CAMKMT: variants seen among roughly 807,000 people sequenced by gnomAD.
The protein encoded by CAMKMT is CaM KMT.
Under a neutral mutation model 48.0 loss-of-function variants are expected in CAMKMT, and 53 were observed. The ratio of observed to expected loss-of-function variants is 1.10; its 90% CI spans 0.89 to 1.39. The LOEUF (loss-of-function observed/expected upper bound fraction) is 1.39. Among genes scored for constraint, CAMKMT ranks in the 40% most tolerant of loss-of-function variants. The probability of loss-of-function intolerance (pLI) is 0.00; values close to 1 mark genes in which losing one functional copy is unlikely to be tolerated. For missense variants in CAMKMT, 428 were observed against 402.7 expected, an observed-to-expected ratio of 1.06 and a Z score of -0.54; for synonymous variants, 165 against 152.3, an observed-to-expected ratio of 1.08 and a Z score of -0.61.
chr2:44,383,043 C>G (rs1680413199), intron 2 of CAMKMT, among the ~76,000 whole-genome samples: 1 of 152,050 alleles, frequency 6.6e-6, no homozygotes, highest in African/African-American at 2.4e-5. Flanking sequence ...TTCCCTTTGG[C>G]TTGCAGATGG....
intron 3 of CAMKMT, among the ~76,000 whole-genome samples, chr2:44,515,056 T>C (rs1384605885): frequency 6.6e-6 from 1 of 152,220 alleles, no homozygotes; most frequent in Non-Finnish European, 1.5e-5. Context: ...CTGATATACT[T>C]TTGTGTCTTA....
intron 3 of CAMKMT, chr2:44,631,532 G>T: frequency 3.3e-6 from 2 of 613,472 alleles, no homozygotes; most frequent in South Asian, 2.0e-5. Flanking sequence ...TTGATCTCCT[G>T]GACTCAAGCA....
intron 3 of CAMKMT, among the ~76,000 whole-genome samples, chr2:44,582,060 C>G (rs1174390696): frequency 6.6e-6 from 1 of 152,184 alleles, no homozygotes; most frequent in Non-Finnish European, 1.5e-5. Context: ...AAAAAATTCT[C>G]AAACGTTATT....
intron 3 of CAMKMT, among the ~76,000 whole-genome samples, chr2:44,437,330 G>T (rs1666324151): frequency 6.6e-6 from 1 of 152,036 alleles, no homozygotes; most frequent in Non-Finnish European, 1.5e-5. Context: ...ATTTTTGACA[G>T]GCTAAAGTGA....
At chr2:44,647,021 G>A (rs1326201319) in intron 3 of CAMKMT, among the ~76,000 whole-genome samples, 3 of 152,130 alleles carry the variant, frequency 2.0e-5, no homozygotes, top group African/African-American at 4.8e-5. Context: ...TTCCTTGGCC[G>A]GGCGCGGTGG....
intron 3 of CAMKMT, among the ~76,000 whole-genome samples, chr2:44,465,894 T>G (rs1304461288): frequency 1.3e-5 from 2 of 152,132 alleles, no homozygotes; most frequent in Non-Finnish European, 2.9e-5. Context: ...TAGCCCTACT[T>G]AGACAAAATA....
chr2:44,410,247 A>ATTTTTTTT (rs1164693728), intron 3 of CAMKMT, among the ~76,000 whole-genome samples: 2 of 19,486 alleles, frequency 1.0e-4, no homozygotes, highest in Non-Finnish European at 2.1e-4. Flanking sequence ...ATATATATAT[A>ATTTTTTTT]TTTTTTTTTT....
intron 3 of CAMKMT, among the ~76,000 whole-genome samples, chr2:44,453,391 G>T (rs1667395159): frequency 6.6e-6 from 1 of 152,114 alleles, no homozygotes; most frequent in Non-Finnish European, 1.5e-5. Context: ...TTTAAAATTA[G>T]CCCAGGGGTC....
At chr2:44,708,912 C>T (rs1053986150) in intron 6 of CAMKMT, among the ~76,000 whole-genome samples, 1 of 151,902 alleles carries the variant, frequency 6.6e-6, no homozygotes, top group African/African-American at 2.4e-5. Context: ...TTTTTCAAGT[C>T]AGCAGGTGTC....
At chr2:44,670,259 T>C (rs1675250142) in intron 3 of CAMKMT, among the ~76,000 whole-genome samples, 1 of 152,160 alleles carries the variant, frequency 6.6e-6, no homozygotes, top group Non-Finnish European at 1.5e-5. Context: ...CACAAACTAT[T>C]CCATGTGGTT....
intron 3 of CAMKMT, among the ~76,000 whole-genome samples, chr2:44,699,516 A>G (rs1677144331): frequency 1.3e-5 from 2 of 152,206 alleles, no homozygotes; most frequent in Admixed American, 6.5e-5. Context: ...AAACCATGCT[A>G]TAAACAGATG....
intron 3 of CAMKMT, among the ~76,000 whole-genome samples, chr2:44,564,268 C>A (rs1038437681): frequency 6.6e-6 from 1 of 151,446 alleles, no homozygotes; most frequent in African/African-American, 2.4e-5. Context: ...CTCCGCCTTC[C>A]GGGTTCAAGC....
At chr2:44,709,834 G>A (rs1017365278) in intron 6 of CAMKMT, among the ~76,000 whole-genome samples, 3 of 151,986 alleles carry the variant, frequency 2.0e-5, no homozygotes, top group Non-Finnish European at 2.9e-5. Context: ...AAAAAAAGGG[G>A]GAGAAACATT....
Position 44,707,404 on chromosome 2 carries a change from T to C in CAMKMT, c.498T>C (p.Ala166=), listed in dbSNP as rs372236119. ...TGCTCCCTTTTTTTTTTCAGGTTGC[T>C]ATTTCTGCAGATGTCAAAGAAGTTC... ...GMTCLAGLMV[A]ISADVKEVLL... The change falls in exon 6 of 11, where the codon GCT becomes GCC. Residue 166 remains alanine (A), a synonymous_variant. Coordinates refer to ENST00000378494, the MANE Select transcript of CAMKMT (RefSeq NM_024766.5). 1.2e-6 allele frequency: 2 copies of C among 1,612,224 alleles called. No homozygotes were observed. Among genetic ancestry groups the C allele is most frequent in the African/African-American group, 1.3e-5 (1 of 74,772 alleles).
chr2:44,532,363 A>G (rs1209538975), intron 3 of CAMKMT, among the ~76,000 whole-genome samples: 1 of 152,230 alleles, frequency 6.6e-6, no homozygotes, highest in Non-Finnish European at 1.5e-5. Flanking sequence ...TTAATTTGCA[A>G]ACAGAAAATT....
chr2:44,458,267 G>A (rs1215447060), intron 3 of CAMKMT, among the ~76,000 whole-genome samples: 1 of 151,778 alleles, frequency 6.6e-6, no homozygotes, highest in Admixed American at 6.6e-5. Context: ...GGCTAGTCTC[G>A]AACTCCTGAT....
chr2:44,511,380 C>G (rs1196296127), intron 3 of CAMKMT, among the ~76,000 whole-genome samples: 1 of 152,224 alleles, frequency 6.6e-6, no homozygotes, highest in Non-Finnish European at 1.5e-5. Context: ...CCTCCGCCTA[C>G]TAGGTTCAAG....
At chr2:44,519,987 G>A (rs3964302) in intron 3 of CAMKMT, among the ~76,000 whole-genome samples, 78,952 of 150,676 alleles carry the variant, frequency 0.52, 21,448 homozygotes, top group Middle Eastern at 0.6. Context: ...TGAGGCGGGC[G>A]GATCACGAGG....
In CAMKMT at chr2:44,561,849, G is replaced by A. The variant is rs115136864; in HGVS notation, c.377-142434G>A. Reference sequence around the variant, plus strand: ...AATGAACAAGGAAGTGGAATTGTCTGTAAGAGTCTTTGAGGACATGGATGG... The same window carrying A: ...AATGAACAAGGAAGTGGAATTGTCTATAAGAGTCTTTGAGGACATGGATGG... On this transcript the variant is annotated intron_variant, in intron 3 of 10. Coordinates refer to ENST00000378494, the MANE Select transcript of CAMKMT (RefSeq NM_024766.5). Among the ~76,000 whole-genome samples, 368 of 152,332 alleles carry A rather than the reference G, an allele frequency of 2.4e-3. 1 individual carries two copies. Among genetic ancestry groups the A allele is most frequent in the African/African-American group, 8.6e-3 (356 of 41,588 alleles).
Sources: gnomAD v4.1 joint callset for allele counts (sites outside exome capture counted in the v4.1 genomes callset) on GRCh38, gnomAD v4.1.1 for gene constraint, MANE v1.5 for transcripts, NCBI Gene and HGNC (gene_info 2026-07-23, HGNC 2026-07-21) for gene names.